DGKB: variants seen among roughly 807,000 people sequenced by gnomAD.
DGKB encodes diacylglycerol kinase beta.
In DGKB, 67 loss-of-function variants were observed where a neutral mutation model predicts 114.3. The ratio of observed to expected loss-of-function variants is 0.59; its 90% confidence interval spans 0.48 to 0.72. The LOEUF (loss-of-function observed/expected upper bound fraction) is 0.72, where lower values mean the gene tolerates loss of function less well. Ranked by LOEUF, DGKB falls within the 30% of genes least tolerant of loss-of-function variation. DGKB has a pLI of 0.00. For synonymous variants in DGKB, 398 were observed against 323.1 expected (o/e 1.23, Z -2.49); for missense variants, 907 against 975.2 (o/e 0.93, Z 0.93).
chr7:14,629,825 C>G (rs558535785), intron 14 of DGKB, among the ~76,000 whole-genome samples: 15 of 152,168 alleles, frequency 9.9e-5, no homozygotes, highest in Non-Finnish European at 2.1e-4. Flanking sequence ...AAGCAAGAGT[C>G]TCTCAACATA....
chr7:14,859,040 G>C (rs1018372426), intron 1 of DGKB, among the ~76,000 whole-genome samples: 1 of 152,092 alleles, frequency 6.6e-6, no homozygotes, highest in Non-Finnish European at 1.5e-5. Flanking sequence ...AGTCAGTAGA[G>C]AAACCAAGAA....
intron 2 of DGKB, among the ~76,000 whole-genome samples, chr7:14,807,362 G>A (rs1347826227): frequency 6.6e-6 from 1 of 151,742 alleles, no homozygotes; most frequent in Non-Finnish European, 1.5e-5. Flanking sequence ...AATAAAGAAT[G>A]AATAAATACA....
At chr7:14,368,646 G>A (rs560672774) in intron 21 of DGKB, among the ~76,000 whole-genome samples, 2 of 151,970 alleles carry the variant, frequency 1.3e-5, no homozygotes, top group East Asian at 3.9e-4. Context: ...TAAAGAAAAA[G>A]AGGTAACACA....
chr7:14,711,949 G>T (rs183934140), intron 6 of DGKB, among the ~76,000 whole-genome samples: 1 of 152,142 alleles, frequency 6.6e-6, no homozygotes, highest in African/African-American at 2.4e-5. Flanking sequence ...CATCCGTATG[G>T]ATACTCACCT....
chr7:14,165,614 A>T (rs1174197674), intron 25 of DGKB, among the ~76,000 whole-genome samples: 1 of 152,220 alleles, frequency 6.6e-6, no homozygotes, highest in Non-Finnish European at 1.5e-5. Context: ...ATAAGCACAT[A>T]GACTATGGGA....
intron 13 of DGKB, among the ~76,000 whole-genome samples, chr7:14,643,309 C>A (rs186409928): frequency 6.6e-6 from 1 of 152,084 alleles, no homozygotes; most frequent in Non-Finnish European, 1.5e-5. Context: ...TCACAGACCC[C>A]GAGCCTAGTG....
At chr7:14,478,803 G>GA (rs71004303) in intron 20 of DGKB, among the ~76,000 whole-genome samples, 66,652 of 149,276 alleles carry the variant, frequency 0.45, 15,039 homozygotes, top group East Asian at 0.75. Flanking sequence ...TCGTTGAATA[G>GA]AAAAAAAAAA....
chr7:14,414,307 T>C (rs975023417), intron 21 of DGKB, among the ~76,000 whole-genome samples: 4 of 152,102 alleles, frequency 2.6e-5, no homozygotes, highest in Admixed American at 1.3e-4. Flanking sequence ...GAGCAGGCTC[T>C]GGGAAGATTT....
At chr7:14,191,909 C>A in intron 23 of DGKB, 1 of 585,046 alleles carries the variant, frequency 1.7e-6, no homozygotes, top group Non-Finnish European at 3.1e-6. Context: ...GATTGATTGC[C>A]AGTCTGGTAA....
intron 23 of DGKB, among the ~76,000 whole-genome samples, chr7:14,238,617 C>A (rs763391368): frequency 6.6e-6 from 1 of 151,732 alleles, no homozygotes; most frequent in Non-Finnish European, 1.5e-5. Flanking sequence ...GCAAATCATT[C>A]TGAAAATGGT....
intron 23 of DGKB, among the ~76,000 whole-genome samples, chr7:14,202,588 T>C (rs982241087): frequency 6.6e-6 from 1 of 152,012 alleles, no homozygotes; most frequent in Admixed American, 6.6e-5. Flanking sequence ...TGGTATCTTT[T>C]AAATAGTATA....
intron 23 of DGKB, among the ~76,000 whole-genome samples, chr7:14,287,731 G>A (rs151324084): frequency 6.6e-6 from 1 of 152,278 alleles, no homozygotes; most frequent in African/African-American, 2.4e-5. Context: ...AAATAGAAAA[G>A]TATCTCTGAA....
chr7:14,359,886 T>A (rs1815356159), intron 21 of DGKB, among the ~76,000 whole-genome samples: 1 of 152,016 alleles, frequency 6.6e-6, no homozygotes, highest in South Asian at 2.1e-4. Flanking sequence ...TTAGTTCAAC[T>A]CTTGTGGAAG....
rs1408129436 is a variant in DGKB at position 14,406,051 on chromosome 7, G to A, written c.1836-60660C>T. Among the ~76,000 whole-genome samples the A allele has an allele frequency of 2.0e-5, 3 of 151,892 alleles. No individual in the cohort carries two copies. In the East Asian group the frequency reaches 5.8e-4, roughly 29 times the overall value. ...CCCAGCATAACATAGAATCTTAGTT[G>A]GTATATTCAAGAGAAGTTGGATCCA... On this transcript the variant is annotated intron_variant, in intron 21 of 25. Coordinates refer to ENST00000402815, the MANE Select transcript of DGKB (RefSeq NM_001350709.2).
intron 1 of DGKB, among the ~76,000 whole-genome samples, chr7:14,852,838 C>T (rs1849593104): frequency 1.3e-5 from 2 of 152,086 alleles, no homozygotes; most frequent in Non-Finnish European, 2.9e-5. Context: ...TTTCCATCCC[C>T]AGCTTAAGAA....
chr7:14,208,456 G>A (rs1787190596), intron 23 of DGKB, among the ~76,000 whole-genome samples: 1 of 151,958 alleles, frequency 6.6e-6, no homozygotes, highest in Non-Finnish European at 1.5e-5. Flanking sequence ...ATTAATGGGG[G>A]TTCAACTTCT....
intron 1 of DGKB, among the ~76,000 whole-genome samples, chr7:14,876,107 C>T (rs928575577): frequency 6.6e-6 from 1 of 152,226 alleles, no homozygotes; most frequent in African/African-American, 2.4e-5. Flanking sequence ...TAAAACAGGG[C>T]GGAGTGGAAG....
chr7:14,658,900 ATTC>A (rs925920183), intron 13 of DGKB, among the ~76,000 whole-genome samples: 4 of 151,892 alleles, frequency 2.6e-5, no homozygotes, highest in East Asian at 1.9e-4. Context: ...TATTAACTCT[ATTC>A]TTCTTTTTTA....
chr7:14,591,705 A>G (rs1801732887), intron 17 of DGKB, among the ~76,000 whole-genome samples: 1 of 151,892 alleles, frequency 6.6e-6, no homozygotes, highest in African/African-American at 2.4e-5. Context: ...ATCTAATGTT[A>G]ATTGTTCTTA....
Sources: gnomAD v4.1 joint callset for allele counts (sites outside exome capture counted in the v4.1 genomes callset) on GRCh38, gnomAD v4.1.1 for gene constraint, MANE v1.5 for transcripts, NCBI Gene and HGNC (gene_info 2026-07-23, HGNC 2026-07-21) for gene names.